The following NOL4 variants were observed in gnomAD, a reference collection of about 807,000 sequenced individuals.
NOL4 encodes the protein cancer/testis antigen 125.
Under a neutral mutation model 75.9 loss-of-function variants are expected in NOL4, and 17 were observed. The ratio of observed to expected loss-of-function variants is 0.22; its 90% CI spans 0.15 to 0.34. The LOEUF is 0.34. Among genes scored for constraint, NOL4 ranks in the 10% least tolerant of loss-of-function variants. The pLI is 1.00. For missense variants in NOL4, 614 were observed against 793.5 expected, an observed-to-expected ratio of 0.77 and a Z score of 2.72; for synonymous variants, 292 against 289.9, an observed-to-expected ratio of 1.01 and a Z score of -0.07.
chr18:34,095,249 GTA>G (rs1218282354), intron 4 of NOL4, among the ~76,000 whole-genome samples: 38 of 143,692 alleles, frequency 2.6e-4, no homozygotes, highest in African/African-American at 4.5e-4. Context: ...ATTCTAATGT[GTA>G]TGTGTGTGTG....
intron 5 of NOL4, chr18:34,048,608 T>C: frequency 1.0e-6 from 1 of 985,330 alleles, no homozygotes; most frequent in South Asian, 4.7e-5. Context: ...TAATCTTTCC[T>C]GTATGAAGCA....
At chr18:34,069,765 C>A (rs2077430827) in intron 5 of NOL4, among the ~76,000 whole-genome samples, 1 of 152,182 alleles carries the variant, frequency 6.6e-6, no homozygotes, top group Non-Finnish European at 1.5e-5. Flanking sequence ...CCATGTCAGA[C>A]TTGTATGAAG....
chr18:33,918,729 A>G (rs563842788), intron 9 of NOL4, among the ~76,000 whole-genome samples: 3 of 152,282 alleles, frequency 2.0e-5, no homozygotes, highest in African/African-American at 4.8e-5. Context: ...TGTTTGGGTG[A>G]TAAGACACTT....
At chr18:33,947,162 G>A (rs1599985983) in intron 8 of NOL4, among the ~76,000 whole-genome samples, 1 of 151,696 alleles carries the variant, frequency 6.6e-6, no homozygotes, top group South Asian at 2.1e-4. Flanking sequence ...AGAGTGAGAA[G>A]GAAATTAATA....
chr18:33,929,796 C>A (rs2067569150), intron 9 of NOL4, among the ~76,000 whole-genome samples: 1 of 152,064 alleles, frequency 6.6e-6, no homozygotes, highest in African/African-American at 2.4e-5. Context: ...TTTTATCCTA[C>A]TAATCATATT....
chr18:34,096,180 G>A (rs1022171667), intron 4 of NOL4, among the ~76,000 whole-genome samples: 11 of 151,792 alleles, frequency 7.2e-5, no homozygotes, highest in African/African-American at 2.7e-4. Context: ...GTAACCAAAT[G>A]TATACTTATG....
intron 1 of NOL4, among the ~76,000 whole-genome samples, chr18:34,166,726 G>A (rs1462919896): frequency 1.3e-5 from 2 of 151,744 alleles, no homozygotes; most frequent in African/African-American, 4.8e-5. Flanking sequence ...TAATATTTGG[G>A]AAAAAATAAA....
At chr18:34,213,061 T>C (rs2036620586) in intron 1 of NOL4, among the ~76,000 whole-genome samples, 1 of 152,158 alleles carries the variant, frequency 6.6e-6, no homozygotes, top group Admixed American at 6.5e-5. Context: ...GAAGGGATTA[T>C]ACAAGGGTGG....
At chr18:33,955,976 T>C (rs980178539) in intron 8 of NOL4, among the ~76,000 whole-genome samples, 8 of 152,100 alleles carry the variant, frequency 5.3e-5, no homozygotes, top group African/African-American at 1.9e-4. Context: ...TCCCTAAATA[T>C]TGTCATTTGG....
Position 34,019,311 on chromosome 18 carries a change from A to C in NOL4, c.1056+7T>G, listed in dbSNP as rs775109628. The C allele has an allele frequency of 1.2e-6, 2 of 1,611,648 alleles. No homozygotes were observed. Among genetic ancestry groups the C allele is most frequent in the South Asian group, 1.1e-5 (1 of 90,922 alleles). On this transcript the variant is annotated splice_region_variant and intron_variant, in intron 6 of 10. Coordinates refer to ENST00000261592, the MANE Select transcript of NOL4 (RefSeq NM_003787.5). The stretch of plus-strand genomic sequence containing the variant: ...CAAAAATTCTGGAAATTGTAATGTG[A>C]TCATACCTTGCTTCCATTTTCTCTC...
intron 4 of NOL4, among the ~76,000 whole-genome samples, chr18:34,098,051 G>T (rs532319087): frequency 5.5e-4 from 83 of 151,786 alleles, no homozygotes; most frequent in African/African-American, 1.8e-3. Context: ...GGAGGTTGGG[G>T]TTTTTTTTAT....
intron 2 of NOL4, among the ~76,000 whole-genome samples, chr18:34,106,771 A>T (rs1600610663): frequency 1.3e-5 from 2 of 151,978 alleles, no homozygotes; most frequent in East Asian, 3.8e-4. Flanking sequence ...GGGAATAAAC[A>T]CTTCTAACTG....
At chr18:34,074,191 A>G (rs567414454) in intron 5 of NOL4, among the ~76,000 whole-genome samples, 18 of 151,852 alleles carry the variant, frequency 1.2e-4, no homozygotes, top group Admixed American at 8.5e-4. Context: ...TAAATCTCAA[A>G]TAATTGGATT....
At chr18:34,178,809 G>A (rs1435301073) in intron 1 of NOL4, among the ~76,000 whole-genome samples, 1 of 151,592 alleles carries the variant, frequency 6.6e-6, no homozygotes, top group Non-Finnish European at 1.5e-5. Flanking sequence ...GACCAGAAAA[G>A]AAATAGAGAA....
In NOL4 at chr18:34,104,243, A is replaced by G. The variant is rs1039012032; in HGVS notation, c.527-84T>C. 1.6e-4 allele frequency: 142 copies of G among 862,186 alleles called. 2 individuals are homozygous for G. Among genetic ancestry groups the G allele is most frequent in the South Asian group, 1.3e-3 (88 of 70,180 alleles). The allele number at this position is 862,186 out of a possible 1,614,324, so 53.4% of individuals were successfully genotyped here. ...TAAAATGATCTATTTCTCCAAATTG[A>G]AACAGGATTTTAGATATCAAGTGTC... On this transcript the variant is annotated intron_variant, in intron 3 of 10. Transcript: ENST00000261592.
chr18:34,138,338 G>A (rs2080987804), intron 1 of NOL4, among the ~76,000 whole-genome samples: 1 of 152,130 alleles, frequency 6.6e-6, no homozygotes, highest in Non-Finnish European at 1.5e-5. Flanking sequence ...TAAGGTTGAA[G>A]CTGCAGTGAG....
At chr18:33,973,335 T>C (rs1015307109) in intron 6 of NOL4, among the ~76,000 whole-genome samples, 1 of 152,180 alleles carries the variant, frequency 6.6e-6, no homozygotes, top group African/African-American at 2.4e-5. Context: ...TCTACTTCTC[T>C]TGCTATTTCC....
chr18:34,189,342 C>T (rs2034736765), intron 1 of NOL4, among the ~76,000 whole-genome samples: 1 of 152,142 alleles, frequency 6.6e-6, no homozygotes, highest in Non-Finnish European at 1.5e-5. Flanking sequence ...TCCACAAGAG[C>T]AGCATTAATA....
At chr18:33,914,170 T>C (rs2066573087) in intron 9 of NOL4, among the ~76,000 whole-genome samples, 1 of 152,098 alleles carries the variant, frequency 6.6e-6, no homozygotes, top group South Asian at 2.1e-4. Flanking sequence ...GAATTTTAAA[T>C]GGGATGGCCA....
Sources: allele counts gnomAD v4.1 joint callset (sites outside exome capture counted in the v4.1 genomes callset), GRCh38; gene constraint gnomAD v4.1.1; transcripts MANE v1.5; gene names NCBI Gene and HGNC (gene_info 2026-07-23, HGNC 2026-07-21).